AGPAT2: variants seen among roughly 807,000 people sequenced by gnomAD.
AGPAT2 encodes the protein 1-acyl-sn-glycerol-3-phosphate acyltransferase beta.
A neutral mutation model predicts 26.1 loss-of-function variants in AGPAT2; 18 were observed. The ratio of observed to expected loss-of-function variants is 0.69; its 90% CI spans 0.48 to 1.02. The LOEUF (loss-of-function observed/expected upper bound fraction) is 1.02. Among genes scored for constraint, AGPAT2 ranks in the 50% least tolerant of loss-of-function variants. The probability of loss-of-function intolerance (pLI) is 0.00; values close to 1 mark genes in which losing one functional copy is unlikely to be tolerated. For synonymous variants in AGPAT2, 200 were observed against 174.2 expected (o/e 1.15, Z -1.16); for missense variants, 415 against 394.9 (o/e 1.05, Z -0.43).
intron 2 of AGPAT2, 23 bp from the exon 3 acceptor site, chr9:136,677,159 C>G: frequency 6.2e-7 from 1 of 1,611,946 alleles, no homozygotes; most frequent in Non-Finnish European, 8.5e-7. Flanking sequence ...GAGACAGAGA[C>G]AGAGAGAGAG....
At position 136,673,849 on chromosome 9, in the gene AGPAT2, G is replaced by GTGTCCACGT; in HGVS notation, c.739_740insACGTGGACA (p.Asp246_Thr247insAsnValAsp). The GTGTCCACGT allele has an allele frequency of 6.2e-7, 1 of 1,606,118 alleles. No individual in the cohort carries two copies. The highest frequency in any genetic ancestry group is 8.5e-7 in the Non-Finnish European group (1 of 1,177,998). ...GGTGGTCCTCATGGCCCGGTGGCAG[G>GTGTCCACGT]TGTCCACGAGCGCAGGGACGTCCGC... On this transcript the variant is annotated inframe_insertion, in exon 6 of 6. Transcript: ENST00000371696.
At chr9:136,681,695 G>A (rs372058807) in intron 1 of AGPAT2, among the ~76,000 whole-genome samples, 7 of 152,146 alleles carry the variant, frequency 4.6e-5, no homozygotes, top group East Asian at 3.9e-4. Flanking sequence ...CCAGCTACTC[G>A]GGAGGCTGAG....
intron 3 of AGPAT2, 45 bp downstream of exon 3, chr9:136,676,916 C>G (rs201618960): frequency 2.8e-6 from 4 of 1,432,756 alleles, no homozygotes; most frequent in African/African-American, 1.4e-5. Context: ...CTGGCCCCGC[C>G]CAGGCCCCAC....
intron 1 of AGPAT2, among the ~76,000 whole-genome samples, chr9:136,684,577 C>T (rs1846199966): frequency 6.6e-6 from 1 of 152,278 alleles, no homozygotes; most frequent in South Asian, 2.1e-4. Flanking sequence ...TGGGCCTCAG[C>T]CAGGGCAGCC....
chr9:136,680,282 A>G lies in AGPAT2; in HGVS notation c.183-2726T>C, dbSNP rs925870565. On this transcript the variant is annotated intron_variant, in intron 1 of 5. Transcript: ENST00000371696. ...CACTCTGTCACCCAGACTGGAGTGC[A>G]GTGGTGTGATCTCAGCTCACTGCAA... Among the ~76,000 whole-genome samples, 4 of 152,308 alleles carry G rather than the reference A, an allele frequency of 2.6e-5. No homozygotes were observed. In the South Asian group the frequency reaches 8.3e-4, roughly 32 times the overall value.
chr9:136,677,514 C>T lies in AGPAT2; in HGVS notation c.225G>A (p.Gly75=). The stretch of plus-strand genomic sequence containing the variant: ...GCGGGTCCCGCACCTCGAAGCGGAG[C>T]CCGTAAAAGTACTTGAAGCTTCGCA... ...WFVRSFKYFY[G]LRFEVRDPRR... Residue 75 remains glycine, a synonymous_variant, in exon 2 of 6, where the codon GGG becomes GGA. Coordinates refer to ENST00000371696, the MANE Select transcript of AGPAT2 (RefSeq NM_006412.4). 1.9e-6 allele frequency: 3 copies of T among 1,613,004 alleles called. No individual in the cohort carries two copies. The highest frequency in any genetic ancestry group is 2.5e-6 in the Non-Finnish European group (3 of 1,179,962).
chr9:136,678,698 G>C (rs114501480), intron 1 of AGPAT2, among the ~76,000 whole-genome samples: 1,643 of 152,260 alleles, frequency 0.011, 29 homozygotes, highest in African/African-American at 0.034. Flanking sequence ...ATTCAAAGCC[G>C]GGGCCTTCTC....
At position 136,687,331 on chromosome 9, in the gene AGPAT2, C is replaced by G. The variant is rs1564296559; in HGVS notation, c.27G>C (p.Ala9=). 2.6e-6 allele frequency: 4 copies of G among 1,559,476 alleles called. No individual in the cohort carries two copies. The highest frequency in any genetic ancestry group is 5.1e-5 in the East Asian group (2 of 39,128). ...CCAGCAGCAGCAGCAACAGCAGCGCCGCGGCCAGACACGGCCACAGCTCCA... is the reference window on the plus strand; with the variant it reads ...CCAGCAGCAGCAGCAACAGCAGCGCGGCGGCCAGACACGGCCACAGCTCCA... MELWPCLA[A]ALLLLLLLVQ... The change falls in exon 1 of 6, where the codon GCG becomes GCC. Residue 9 remains alanine, a synonymous_variant. Transcript: ENST00000371696.
chr9:136,682,452 G>A (rs1846172915), intron 1 of AGPAT2, among the ~76,000 whole-genome samples: 1 of 152,224 alleles, frequency 6.6e-6, no homozygotes, highest in Non-Finnish European at 1.5e-5. Context: ...GTGTCGCTGT[G>A]CCAGACCAGG....
chr9:136,676,939 G>T, intron 3 of AGPAT2, 22 bp downstream of exon 3: 1 of 544,888 alleles, frequency 1.8e-6, no homozygotes, highest in Non-Finnish European at 3.5e-6. Context: ...CAACCCCACC[G>T]AGCCCGGCCC....
chr9:136,680,693 A>G (rs144926744), intron 1 of AGPAT2, among the ~76,000 whole-genome samples: 1,992 of 151,692 alleles, frequency 0.013, 54 homozygotes, highest in African/African-American at 0.046. Context: ...TTTTTTTGAG[A>G]CGGAGTCTTG....
chr9:136,677,499 C>T lies in AGPAT2; in HGVS notation c.240G>A (p.Val80=). Reference sequence around the variant, plus strand: ...CCTCCTGCAGCCTGCGCGGGTCCCGCACCTCGAAGCGGAGCCCGTAAAAGT... The same window carrying T: ...CCTCCTGCAGCCTGCGCGGGTCCCGTACCTCGAAGCGGAGCCCGTAAAAGT... The part of the protein sequence containing the change: ...FKYFYGLRFE[V]RDPRRLQEAR... The change falls in exon 2 of 6, where the codon GTG becomes GTA. Residue 80 remains valine, a synonymous_variant. Coordinates refer to ENST00000371696, the MANE Select transcript of AGPAT2 (RefSeq NM_006412.4). The T allele has an allele frequency of 1.2e-6, 2 of 1,613,064 alleles. No homozygotes were observed. The highest frequency in any genetic ancestry group is 1.7e-6 in the Non-Finnish European group (2 of 1,179,960).
At chr9:136,686,060 C>T (rs906198380) in intron 1 of AGPAT2, among the ~76,000 whole-genome samples, 2 of 152,226 alleles carry the variant, frequency 1.3e-5, no homozygotes, top group Non-Finnish European at 2.9e-5. Context: ...AGGCCCTTCT[C>T]GGACTCTCCA....
At chr9:136,676,838 C>T in intron 3 of AGPAT2, 123 bp downstream of exon 3, 7 of 1,322,894 alleles carry the variant, frequency 5.3e-6, no homozygotes, top group African/African-American at 1.5e-5. Context: ...GGGACCCCAC[C>T]TGCGGAGCAT....
intron 4 of AGPAT2, among the ~76,000 whole-genome samples, chr9:136,676,057 C>T (rs1381137265): frequency 6.6e-6 from 1 of 152,146 alleles, no homozygotes; most frequent in Non-Finnish European, 1.5e-5. Flanking sequence ...TATACCCTGG[C>T]CTCTCCCAGA....
At chr9:136,681,343 G>A (rs1846158148) in intron 1 of AGPAT2, among the ~76,000 whole-genome samples, 2 of 152,316 alleles carry the variant, frequency 1.3e-5, no homozygotes, top group East Asian at 1.9e-4. Flanking sequence ...GTGTGGCTGG[G>A]GGAGAAAGGT....
intron 5 of AGPAT2, among the ~76,000 whole-genome samples, 172 bp from the exon 6 acceptor site, chr9:136,674,099 G>T (rs1052722158): frequency 2.6e-5 from 4 of 152,222 alleles, no homozygotes; most frequent in Non-Finnish European, 5.9e-5. Flanking sequence ...TTGCAGTAAC[G>T]TTGCTGCAGT....
Position 136,673,873 on chromosome 9 carries a change from G to A in AGPAT2, c.716C>T (p.Ala239Val), listed in dbSNP as rs145975461. ...EAIPTSGLTA[A>V]DVPALVDTCH... is the part of the protein sequence containing the mutation. ...GGTGTCCACGAGCGCAGGGACGTCC[G>A]CCGCAGTGAGGCCGCTGGTGGGGAT... The change falls in exon 6 of 6, where the codon GCG becomes GTG. Residue 239 changes from alanine to valine, a missense_variant. Physicochemically the swap from Ala to Val is moderately conservative, Grantham distance 64 (BLOSUM62 0). Coordinates refer to ENST00000371696, the MANE Select transcript of AGPAT2 (RefSeq NM_006412.4). The A allele has an allele frequency of 6.2e-4, 986 of 1,603,218 alleles. 7 individuals are homozygous for A. The African/African-American group carries it at 0.011, about 18-fold the overall frequency.
At chr9:136,674,280 C>T (rs1486902956) in intron 5 of AGPAT2, among the ~76,000 whole-genome samples, 1 of 152,248 alleles carries the variant, frequency 6.6e-6, no homozygotes, top group African/African-American at 2.4e-5. Flanking sequence ...TCCCCCACTG[C>T]TCTCCAACTT....
Sources: gnomAD v4.1 joint callset for allele counts (sites outside exome capture counted in the v4.1 genomes callset) on GRCh38, gnomAD v4.1.1 for gene constraint, MANE v1.5 for transcripts, NCBI Gene and HGNC (gene_info 2026-07-23, HGNC 2026-07-21) for gene names.